Variants in MAP4K5 observed in about 807,000 individuals in gnomAD.
The protein encoded by MAP4K5 is MAPK/ERK kinase kinase kinase 5.
In MAP4K5, 82 loss-of-function variants were observed where a neutral mutation model predicts 135.6. That is an observed-to-expected ratio of 0.60 (90% CI 0.51 to 0.73). The LOEUF is 0.73. Among genes scored for constraint, MAP4K5 ranks in the 30% least tolerant of loss-of-function variants. The pLI, the probability that MAP4K5 is intolerant of heterozygous loss-of-function variation, is 0.00. For synonymous variants in MAP4K5, 347 were observed against 335.0 expected, an observed-to-expected ratio of 1.04 and a Z score of -0.39; for missense variants, 907 against 1,010.9, an observed-to-expected ratio of 0.90 and a Z score of 1.39.
intron 3 of MAP4K5, among the ~76,000 whole-genome samples, chr14:50,487,995 G>GTA (rs984621946): frequency 3.9e-5 from 6 of 152,044 alleles, no homozygotes; most frequent in Non-Finnish European, 8.8e-5. Context: ...TAATATATGT[G>GTA]TATATATATT....
intron 1 of MAP4K5, among the ~76,000 whole-genome samples, chr14:50,544,055 G>A (rs954566293): frequency 9.2e-5 from 14 of 152,312 alleles, no homozygotes; most frequent in East Asian, 5.8e-4. Context: ...TTATTGCTCC[G>A]CAAAGGAAAC....
intron 32 of MAP4K5, among the ~76,000 whole-genome samples, chr14:50,422,593 AAG>A (rs2035758633): frequency 6.6e-6 from 1 of 152,166 alleles, no homozygotes; most frequent in Non-Finnish European, 1.5e-5. Flanking sequence ...AAAAGAAAAA[AAG>A]AAGTAGGCAG....
intron 1 of MAP4K5, among the ~76,000 whole-genome samples, chr14:50,553,691 G>A (rs1245508944): frequency 1.3e-5 from 2 of 152,112 alleles, no homozygotes; most frequent in Non-Finnish European, 2.9e-5. Context: ...ACAAAGATAT[G>A]GAACCAAGCT....
At chr14:50,437,872 G>T in intron 25 of MAP4K5, 22 bp downstream of exon 25, 1 of 1,340,076 alleles carries the variant, frequency 7.5e-7, no homozygotes, top group Non-Finnish European at 1.1e-6. Flanking sequence ...TCATTCAGTA[G>T]AATCAAAATG....
rs1456863636 is a variant in MAP4K5 at position 50,419,112 on chromosome 14, C to G, written c.*907G>C. 1 of 152,042 alleles carries G rather than the reference C, an allele frequency of 6.6e-6. No homozygotes were observed. The allele number at this position is 152,042 out of a possible 1,614,324, so 9.4% of individuals were successfully genotyped here. On this transcript the variant is annotated 3_prime_UTR_variant, in exon 33 of 33. Transcript: ENST00000682126. ...CATATCATGGGCAATTAAATACTTCCCCCTGCTACATTAGGGATGATAATA... is the reference window on the plus strand; with the variant it reads ...CATATCATGGGCAATTAAATACTTCGCCCTGCTACATTAGGGATGATAATA...
chr14:50,444,010 T>C lies in MAP4K5; in HGVS notation c.1366A>G (p.Met456Val), dbSNP rs1435103169. ...IGNGDGISKL[M>V]SENTEGSAQA... is the part of the protein sequence containing the mutation. The stretch of plus-strand genomic sequence containing the variant: ...GCTGATCCTTCTGTATTTTCACTCA[T>C]CAGTTTTGAAATACCATCACCATTT... The change falls in exon 19 of 33, where the codon ATG (methionine) becomes GTG (valine). Residue 456 changes from methionine to valine, a missense_variant. Transcript: ENST00000682126. 4 of 1,605,648 alleles carry C rather than the reference T, an allele frequency of 2.5e-6. No homozygotes were observed. Among genetic ancestry groups the C allele is most frequent in the Admixed American group, 1.7e-5 (1 of 58,878 alleles).
chr14:50,420,446 G>C (rs942468084), intron 32 of MAP4K5, among the ~76,000 whole-genome samples: 2 of 151,710 alleles, frequency 1.3e-5, no homozygotes, highest in Non-Finnish European at 2.9e-5. Flanking sequence ...GCCTGAGCAA[G>C]ATGGCAAGAC....
chr14:50,540,085 G>C (rs746015036), intron 2 of MAP4K5, among the ~76,000 whole-genome samples: 2 of 152,176 alleles, frequency 1.3e-5, no homozygotes, highest in Admixed American at 6.5e-5. Flanking sequence ...ATGATGATTG[G>C]GAGCCCACAT....
chr14:50,476,288 T>A lies in MAP4K5; in HGVS notation c.397A>T (p.Thr133Ser). ...ATATCTCTATGCATTTTGCCTTTAG[T>A]ATGCAAATAGGCAAGACCCTAAAAG... ...ETLQGLAYLH[T>S]KGKMHRDIKG... Residue 133 changes from threonine to serine, a missense_variant, in exon 7 of 33, where the codon ACT becomes TCT. Physicochemically the swap from Thr to Ser is moderately conservative, Grantham distance 58. Around this residue, in one of 3 missense-constraint regions of MAP4K5, gnomAD observed 196 missense variants for 189.3 expected, o/e 1.04. Coordinates refer to ENST00000682126, the MANE Select transcript of MAP4K5 (RefSeq NM_006575.6). 1 of 1,475,820 alleles carries A rather than the reference T, an allele frequency of 6.8e-7. No homozygotes were observed. The highest frequency in any genetic ancestry group is 9.0e-7 in the Non-Finnish European group (1 of 1,109,022). 91.4% of individuals were successfully genotyped at this position (1,475,820 alleles called of 1,614,324 possible). A position where few individuals can be genotyped will look rare whatever the true frequency, so the allele number is the denominator to read the frequency against.
chr14:50,540,037 C>T (rs181177215), intron 2 of MAP4K5, among the ~76,000 whole-genome samples: 8 of 152,294 alleles, frequency 5.3e-5, no homozygotes, highest in African/African-American at 1.7e-4. Flanking sequence ...CAGATATCCT[C>T]GAAAGATTCT....
intron 3 of MAP4K5, among the ~76,000 whole-genome samples, chr14:50,500,467 A>G (rs2037685034): frequency 1.3e-5 from 2 of 152,248 alleles, no homozygotes; most frequent in Admixed American, 6.5e-5. Flanking sequence ...ACAGAGGCAT[A>G]GTAGAGTAGG....
chr14:50,463,705 G>A (rs1238457634), intron 12 of MAP4K5, among the ~76,000 whole-genome samples: 1 of 151,874 alleles, frequency 6.6e-6, no homozygotes, highest in Non-Finnish European at 1.5e-5. Context: ...CCAACACGGT[G>A]AAACCCTGTC....
rs901113222 is a variant in MAP4K5 at position 50,419,791 on chromosome 14, C to T, written c.*228G>A. On this transcript the variant is annotated 3_prime_UTR_variant, in exon 33 of 33. Coordinates refer to ENST00000682126, the MANE Select transcript of MAP4K5 (RefSeq NM_006575.6). Reference sequence around the variant, plus strand: ...CCTGGAACTAGAGGACTATTTGTCTCATAGCTTTTATTAAGCAAACTTGAT... The same window carrying T: ...CCTGGAACTAGAGGACTATTTGTCTTATAGCTTTTATTAAGCAAACTTGAT... 121 of 434,950 alleles carry T rather than the reference C, an allele frequency of 2.8e-4. 2 individuals carry two copies. The highest frequency in any genetic ancestry group is 3.9e-4 in the Non-Finnish European group (95 of 242,024). The allele number at this position is 434,950 out of a possible 1,614,324, so 26.9% of individuals were successfully genotyped here. A position where few individuals can be genotyped will look rare whatever the true frequency, so the allele number is the denominator to read the frequency against.
At chr14:50,420,415 G>C (rs912308468) in intron 32 of MAP4K5, among the ~76,000 whole-genome samples, 1 of 152,076 alleles carries the variant, frequency 6.6e-6, no homozygotes, top group African/African-American at 2.4e-5. Context: ...GGGATCGCTT[G>C]AGCCCAGGAG....
intron 2 of MAP4K5, among the ~76,000 whole-genome samples, chr14:50,541,606 A>T (rs187742895): frequency 1.1e-4 from 17 of 152,336 alleles, no homozygotes; most frequent in Admixed American, 3.9e-4. Context: ...CTATGATGCA[A>T]GCTGCCCTGA....
chr14:50,474,081 A>G (rs2037039978), intron 9 of MAP4K5, among the ~76,000 whole-genome samples: 1 of 152,116 alleles, frequency 6.6e-6, no homozygotes, highest in Non-Finnish European at 1.5e-5. Flanking sequence ...CTTTTCAAAT[A>G]ACAAATTATC....
At chr14:50,481,775 A>G (rs1410784414) in intron 6 of MAP4K5, among the ~76,000 whole-genome samples, 1 of 152,224 alleles carries the variant, frequency 6.6e-6, no homozygotes, top group Non-Finnish European at 1.5e-5. Context: ...CAGGCCCTGA[A>G]GTAAAGAAAC....
At chr14:50,429,337 T>C in intron 28 of MAP4K5, 77 bp from the exon 29 acceptor site, 1 of 827,214 alleles carries the variant, frequency 1.2e-6, no homozygotes, top group Non-Finnish European at 1.9e-6. Flanking sequence ...ATTCTGACTT[T>C]TGCTGTGACT....
At chr14:50,530,200 G>T (rs181632313) in intron 2 of MAP4K5, among the ~76,000 whole-genome samples, 7 of 152,234 alleles carry the variant, frequency 4.6e-5, no homozygotes, top group African/African-American at 1.7e-4. Flanking sequence ...ATGAATATTC[G>T]GTTTTTGATT....
Sources: allele counts gnomAD v4.1 joint callset (sites outside exome capture counted in the v4.1 genomes callset), GRCh38; gene constraint gnomAD v4.1.1; regional missense constraint gnomAD v4.1.1; transcripts MANE v1.5; gene names NCBI Gene and HGNC (gene_info 2026-07-23, HGNC 2026-07-21).